CNPY2: variants seen among roughly 807,000 people sequenced by gnomAD.
The protein encoded by CNPY2 is canopy FGF signaling regulator 2.
In CNPY2, 19 loss-of-function variants were observed where a neutral mutation model predicts 25.5. That is an observed-to-expected ratio of 0.74 (90% confidence interval 0.52 to 1.09). CNPY2 has a LOEUF of 1.09. Among genes scored for constraint, CNPY2 ranks in the 50% least tolerant of loss-of-function variants. CNPY2 has a pLI of 0.00. For synonymous variants in CNPY2, 82 were observed against 85.0 expected (o/e 0.96, Z 0.19); for missense variants, 214 against 233.6 (o/e 0.92, Z 0.55).
At chr12:56,313,730 C>T (rs1301610172) in intron 3 of CNPY2, among the ~76,000 whole-genome samples, 1 of 151,286 alleles carries the variant, frequency 6.6e-6, no homozygotes, top group Non-Finnish European at 1.5e-5. Flanking sequence ...TCTCAGCCTC[C>T]TGAGTAGCTG....
In CNPY2 at chr12:56,311,426, C is replaced by G. The variant is rs1873713417; in HGVS notation, c.205-12G>C. On this transcript the variant is annotated splice_polypyrimidine_tract_variant and intron_variant, in intron 3 of 5. Coordinates refer to ENST00000273308, the MANE Select transcript of CNPY2 (RefSeq NM_014255.7). ...CGGGCATAAGGCACCTAGAAATGTC[C>G]TCAGCCTTGGGTCACTCTCTTCTAC... The G allele has an allele frequency of 1.2e-6, 2 of 1,613,862 alleles. No individual in the cohort carries two copies. Among genetic ancestry groups the G allele is most frequent in the Non-Finnish European group, 1.7e-6 (2 of 1,179,854 alleles).
Position 56,315,007 on chromosome 12 carries a change from G to A in CNPY2, c.89-41C>T, listed in dbSNP as rs202064219. 2.0e-5 allele frequency: 32 copies of A among 1,609,808 alleles called. No individual in the cohort carries two copies. In the South Asian group the frequency reaches 3.4e-4, roughly 17 times the overall value. ...AGAATGAGAGCAGGGGACAGGGTAG[G>A]GGGTAGGGTGTGAGGAGAATGGGAT... is the stretch of plus-strand genomic sequence containing the variant. On this transcript the variant is annotated intron_variant, in intron 2 of 5. Transcript: ENST00000273308.
chr12:56,315,205 C>T lies in CNPY2; in HGVS notation c.13G>A (p.Gly5Ser), dbSNP rs1389825853. 3 of 1,613,918 alleles carry T rather than the reference C, an allele frequency of 1.9e-6. No individual in the cohort carries two copies. The highest frequency in any genetic ancestry group is 1.3e-5 in the African/African-American group (1 of 74,922). Reference sequence around the variant, plus strand: ...GCCCCCAGAAGCAGGGCCAGCCAACCCCAGCCTTTCATCTTTAGCGTAATG... The same window carrying T: ...GCCCCCAGAAGCAGGGCCAGCCAACTCCAGCCTTTCATCTTTAGCGTAATG... MKGW[G>S]WLALLLGALL... The change falls in exon 2 of 6, where the codon GGT becomes AGT. Residue 5 changes from glycine to serine, a missense_variant. Physicochemically the swap from Gly to Ser is moderately conservative, Grantham distance 56. Transcript: ENST00000273308.
In CNPY2 at chr12:56,315,980, C is replaced by A. The variant is rs1256574040; in HGVS notation, c.-185G>T. 2 of 152,386 alleles carry A rather than the reference C, an allele frequency of 1.3e-5. No individual in the cohort carries two copies. Among genetic ancestry groups the A allele is most frequent in the Non-Finnish European group, 2.9e-5 (2 of 68,176 alleles). The allele number at this position is 152,386 out of a possible 1,614,324, so 9.4% of individuals were successfully genotyped here. On this transcript the variant is annotated 5_prime_UTR_variant, in exon 1 of 6. Coordinates refer to ENST00000273308, the MANE Select transcript of CNPY2 (RefSeq NM_014255.7). ...GCCTGCCACACACGGGGTGTCCCGG[C>A]GACCGCCTGACCCAGCTCCCCTGAC...
chr12:56,314,777 G>A (rs1873837889), intron 3 of CNPY2, 74 bp downstream of exon 3: 15 of 1,610,966 alleles, frequency 9.3e-6, no homozygotes, highest in Non-Finnish European at 1.3e-5. Flanking sequence ...ATTAAACCAA[G>A]GTCCTTTTTA....
At chr12:56,311,522 CT>C in intron 3 of CNPY2, 108 bp from the exon 4 acceptor site, 1 of 1,114,140 alleles carries the variant, frequency 9.0e-7, no homozygotes. Context: ...TTCTAAAAAG[CT>C]TTCCCTAATT....
In CNPY2 at chr12:56,310,171, C is replaced by A; in HGVS notation, c.*381G>T. ...ACCATACACTATGTTCCCCTGCTTC[C>A]TCATGGAGGTTCCTCTATTCTCCAC... is the stretch of plus-strand genomic sequence containing the variant. On this transcript the variant is annotated 3_prime_UTR_variant, in exon 6 of 6. Transcript: ENST00000273308. 1 of 607,170 alleles carries A rather than the reference C, an allele frequency of 1.6e-6. No homozygotes were observed. Among genetic ancestry groups the A allele is most frequent in the Non-Finnish European group, 2.9e-6 (1 of 343,156 alleles). 37.6% of individuals were successfully genotyped at this position (607,170 alleles called of 1,614,324 possible). A position where few individuals can be genotyped will look rare whatever the true frequency, so the allele number is the denominator to read the frequency against.
At position 56,315,185 on chromosome 12, in the gene CNPY2, C is replaced by A; in HGVS notation, c.33G>T (p.Leu11=). Residue 11 remains leucine (L), a synonymous_variant, in exon 2 of 6, where the codon CTG becomes CTT. Coordinates refer to ENST00000273308, the MANE Select transcript of CNPY2 (RefSeq NM_014255.7). MKGWGWLALL[L]GALLGTAWAR... is the part of the protein sequence containing the mutation. ...CCCAGGCGGTTCCCAGCAGGGCCCCCAGAAGCAGGGCCAGCCAACCCCAGC... is the reference window on the plus strand; with the variant it reads ...CCCAGGCGGTTCCCAGCAGGGCCCCAAGAAGCAGGGCCAGCCAACCCCAGC... The A allele has an allele frequency of 6.2e-7, 1 of 1,614,142 alleles. No homozygotes were observed. The highest frequency in any genetic ancestry group is 2.2e-5 in the East Asian group (1 of 44,890).
chr12:56,314,184 T>C (rs1463229019), intron 3 of CNPY2, among the ~76,000 whole-genome samples: 1 of 152,134 alleles, frequency 6.6e-6, no homozygotes, highest in Non-Finnish European at 1.5e-5. Context: ...TTTTGGTTTT[T>C]TTTTGAGACA....
intron 3 of CNPY2, chr12:56,314,608 G>T: frequency 7.3e-7 from 1 of 1,375,732 alleles, no homozygotes. Context: ...ATGTGGAGAA[G>T]GGTGCTGATC....
rs1408882954 is a variant in CNPY2 at position 56,311,304 on chromosome 12, G to A, written c.315C>T (p.Tyr105=). ...QIDPSTHRKN[Y]VRVVGRNGES... ...CTCCATTCCGGCCCACTACACGTAC[G>A]TAGTTCTTGCGATGGGTGGAAGGAT... is the stretch of plus-strand genomic sequence containing the variant. The change falls in exon 4 of 6, where the codon TAC becomes TAT. Residue 105 remains tyrosine (Y), a synonymous_variant. Coordinates refer to ENST00000273308, the MANE Select transcript of CNPY2 (RefSeq NM_014255.7). The A allele has an allele frequency of 6.8e-6, 11 of 1,614,024 alleles. No homozygotes were observed. The highest frequency in any genetic ancestry group is 5.0e-5 in the Admixed American group (3 of 59,994).
At chr12:56,314,045 G>A (rs1873803072) in intron 3 of CNPY2, among the ~76,000 whole-genome samples, 1 of 151,924 alleles carries the variant, frequency 6.6e-6, no homozygotes, top group Non-Finnish European at 1.5e-5. Flanking sequence ...GGGACTATAG[G>A]CATGAGCCAC....
upstream of CNPY2, chr12:56,316,261 C>T (rs1873953625): frequency 6.6e-6 from 1 of 152,664 alleles, no homozygotes; most frequent in South Asian, 2.1e-4. Context: ...ATGGGAGCGG[C>T]TAGTCGTGCG....
chr12:56,311,343 A>G lies in CNPY2; in HGVS notation c.276T>C (p.Tyr92=), dbSNP rs1416204579. ...GGGTGGAAGGATCAATCTGTTCCCCATACTCCTTCATCCGGTCACATATCT... is the reference window on the plus strand; with the variant it reads ...GGGTGGAAGGATCAATCTGTTCCCCGTACTCCTTCATCCGGTCACATATCT... The part of the protein sequence containing the change: ...LEEICDRMKE[Y]GEQIDPSTHR... The change falls in exon 4 of 6, where the codon TAT becomes TAC. Residue 92 remains tyrosine, a synonymous_variant. Coordinates refer to ENST00000273308, the MANE Select transcript of CNPY2 (RefSeq NM_014255.7). The G allele has an allele frequency of 1.9e-6, 3 of 1,613,982 alleles. No homozygotes were observed. Among genetic ancestry groups the G allele is most frequent in the Non-Finnish European group, 2.5e-6 (3 of 1,180,030 alleles).
chr12:56,315,352 C>G lies in CNPY2; in HGVS notation c.-25-110G>C, dbSNP rs182802003. The G allele has an allele frequency of 6.1e-5, 39 of 644,288 alleles. 1 individual carries two copies. The highest frequency in any genetic ancestry group is 9.7e-5 in the Non-Finnish European group (36 of 372,220). The allele number at this position is 644,288 out of a possible 1,614,324, so 39.9% of individuals were successfully genotyped here. On this transcript the variant is annotated intron_variant, in intron 1 of 5. Transcript: ENST00000273308. ...CAAAGGCCTCATTGTGACTCTGGCTCTACTTTCCAGGAAATGGCCGGGACA... is the reference window on the plus strand; with the variant it reads ...CAAAGGCCTCATTGTGACTCTGGCTGTACTTTCCAGGAAATGGCCGGGACA...
chr12:56,312,222 C>CTTTTTTT (rs56822059), intron 3 of CNPY2, among the ~76,000 whole-genome samples: 15 of 135,890 alleles, frequency 1.1e-4, no homozygotes, highest in African/African-American at 3.1e-4. Context: ...CAAAGTACTT[C>CTTTTTTT]TTTTTTTTTT....
In CNPY2 at chr12:56,315,628, G is replaced by T. The variant is rs538149134; in HGVS notation, c.-26+193C>A. On this transcript the variant is annotated intron_variant, in intron 1 of 5. Transcript: ENST00000273308. ...GGCAGGGAGCCCTCAGTCAGGCCAG[G>T]AGGCCAGCGAGGAGAGCAATAACTA... 1.9e-5 allele frequency: 4 copies of T among 205,898 alleles called. No individual in the cohort carries two copies. In the South Asian group the frequency reaches 3.0e-4, roughly 15 times the overall value. 12.8% of individuals were successfully genotyped at this position (205,898 alleles called of 1,614,324 possible).
chr12:56,315,066 C>CCAA, intron 2 of CNPY2, 64 bp downstream of exon 2: 1 of 1,598,800 alleles, frequency 6.3e-7, no homozygotes, highest in East Asian at 2.2e-5. Flanking sequence ...TTCTCCCAGG[C>CCAA]CTTGGATCTC....
chr12:56,312,431 A>C (rs565125002), intron 3 of CNPY2: 1 of 151,634 alleles, frequency 6.6e-6, no homozygotes, highest in Admixed American at 6.6e-5. Flanking sequence ...CATGTTGCCC[A>C]GGCTGGTCTC....
Sources: allele counts gnomAD v4.1 joint callset (sites outside exome capture counted in the v4.1 genomes callset), GRCh38; gene constraint gnomAD v4.1.1; transcripts MANE v1.5; gene names NCBI Gene and HGNC (gene_info 2026-07-23, HGNC 2026-07-21).